PTH2R: variants seen among roughly 807,000 people sequenced by gnomAD.
The protein encoded by PTH2R is PTH2 receptor.
A neutral mutation model predicts 60.3 loss-of-function variants in PTH2R; 59 were observed. The ratio of observed to expected loss-of-function variants is 0.98; its 90% confidence interval spans 0.79 to 1.22. PTH2R has a LOEUF of 1.22. Ranked by LOEUF, PTH2R falls within the 50% of genes most tolerant of loss-of-function variation. The pLI is 0.00. For synonymous variants in PTH2R, 256 were observed against 243.8 expected (o/e 1.05, Z -0.47); for missense variants, 749 against 682.6 (o/e 1.10, Z -1.08).
chr2:208,450,896 C>G (rs1483789608), intron 8 of PTH2R, 87 bp downstream of exon 8: 5 of 1,425,536 alleles, frequency 3.5e-6, no homozygotes, highest in Non-Finnish European at 4.9e-6. Flanking sequence ...CGCTTCTGTT[C>G]TTGATGCCAT....
chr2:208,477,964 G>C (rs62193682), intron 9 of PTH2R, among the ~76,000 whole-genome samples: 6 of 25,716 alleles, frequency 2.3e-4, no homozygotes, highest in African/African-American at 3.9e-4. Flanking sequence ...ACTACTACTA[G>C]TACTAGTACT....
chr2:208,370,180 A>T (rs1700667703), intron 1 of PTH2R, among the ~76,000 whole-genome samples: 1 of 152,080 alleles, frequency 6.6e-6, no homozygotes, highest in Admixed American at 6.5e-5. Context: ...ACGGTGGCTC[A>T]CGCCTGTAAT....
chr2:208,485,324 C>T (rs1019326128), intron 10 of PTH2R, among the ~76,000 whole-genome samples: 2 of 152,146 alleles, frequency 1.3e-5, no homozygotes, highest in African/African-American at 4.8e-5. Context: ...CGTGGCTTTG[C>T]CCTTGGACAC....
intron 9 of PTH2R, among the ~76,000 whole-genome samples, chr2:208,464,560 T>C (rs141519228): frequency 6.6e-6 from 1 of 152,306 alleles, no homozygotes; most frequent in East Asian, 1.9e-4. Flanking sequence ...TTGGGAATGA[T>C]GCCAAATGTG....
intron 2 of PTH2R, among the ~76,000 whole-genome samples, chr2:208,433,601 A>C (rs544540384): frequency 7.7e-4 from 118 of 152,338 alleles, no homozygotes; most frequent in African/African-American, 2.8e-3. Flanking sequence ...TTATTTAAGA[A>C]AGATTTTTTA....
At chr2:208,371,962 C>A (rs1191971369) in intron 1 of PTH2R, among the ~76,000 whole-genome samples, 2 of 152,068 alleles carry the variant, frequency 1.3e-5, no homozygotes, top group African/African-American at 4.8e-5. Flanking sequence ...CACTCTGTCA[C>A]CTGGGCTGGA....
chr2:208,453,041 C>T (rs530223248), intron 8 of PTH2R, among the ~76,000 whole-genome samples: 5 of 152,278 alleles, frequency 3.3e-5, no homozygotes, highest in Admixed American at 2.0e-4. Context: ...GTTGATTTAA[C>T]ACATCTGGTA....
chr2:208,401,867 G>T (rs1701316130), upstream of PTH2R, among the ~76,000 whole-genome samples: 1 of 152,176 alleles, frequency 6.6e-6, no homozygotes, highest in Non-Finnish European at 1.5e-5. Context: ...GTGCCTAAGA[G>T]ACGCTAGCCA....
In PTH2R at chr2:208,443,369, C is replaced by T; in HGVS notation, c.531C>T (p.Asn177=). ...GYFRRLHCTR[N]YIHMHLFVSF... ...GTAGACGATTGCATTGCACTAGGAA[C>T]TATATCCACATGCACTTATTTGTGT... Residue 177 remains asparagine, a synonymous_variant, in exon 6 of 13, where the codon AAC becomes AAT. Coordinates refer to ENST00000272847, the MANE Select transcript of PTH2R (RefSeq NM_005048.4). The T allele has an allele frequency of 6.3e-7, 1 of 1,595,406 alleles. No individual in the cohort carries two copies. The highest frequency in any genetic ancestry group is 8.5e-7 in the Non-Finnish European group (1 of 1,173,518).
intron 7 of PTH2R, among the ~76,000 whole-genome samples, chr2:208,447,355 G>A (rs1251879680): frequency 1.3e-5 from 2 of 151,922 alleles, no homozygotes; most frequent in African/African-American, 4.8e-5. Flanking sequence ...TTGGGAGGCC[G>A]AGGCGGGCGG....
intron 1 of PTH2R, among the ~76,000 whole-genome samples, chr2:208,411,518 G>A (rs1231343781): frequency 1.3e-5 from 2 of 152,146 alleles, no homozygotes; most frequent in Admixed American, 1.3e-4. Flanking sequence ...CCCAGGTGTG[G>A]CTCTTCCTTG....
At chr2:208,387,592 C>G (rs1448779689) in intron 1 of PTH2R, among the ~76,000 whole-genome samples, 1 of 152,122 alleles carries the variant, frequency 6.6e-6, no homozygotes, top group Non-Finnish European at 1.5e-5. Flanking sequence ...AGAAGTTAAC[C>G]CTCCTTTAAA....
intron 1 of PTH2R, among the ~76,000 whole-genome samples, chr2:208,377,572 G>A (rs1700822941): frequency 6.8e-6 from 1 of 147,908 alleles, no homozygotes; most frequent in African/African-American, 2.6e-5. Flanking sequence ...TCTGGGACGG[G>A]GCGGCTGGCC....
At chr2:208,466,828 C>T (rs1702763990) in intron 9 of PTH2R, among the ~76,000 whole-genome samples, 1 of 152,114 alleles carries the variant, frequency 6.6e-6, no homozygotes, top group African/African-American at 2.4e-5. Context: ...TATTTTCTAC[C>T]ATTTCACAGG....
chr2:208,402,951 G>A (rs1224181021), upstream of PTH2R, among the ~76,000 whole-genome samples: 1 of 152,172 alleles, frequency 6.6e-6, no homozygotes, highest in Non-Finnish European at 1.5e-5. Flanking sequence ...TTCACTGGCT[G>A]CCGTGTGTCC....
At chr2:208,416,693 G>A (rs1701648145) in intron 1 of PTH2R, among the ~76,000 whole-genome samples, 1 of 152,182 alleles carries the variant, frequency 6.6e-6, no homozygotes, top group African/African-American at 2.4e-5. Flanking sequence ...TGAGTCAGTG[G>A]GCTGGGAAAG....
chr2:208,414,789 A>G (rs970298524), intron 1 of PTH2R, among the ~76,000 whole-genome samples: 2 of 152,174 alleles, frequency 1.3e-5, no homozygotes, highest in East Asian at 3.9e-4. Context: ...ATCGAGGTTA[A>G]CATTAAGAGT....
At chr2:208,387,672 T>G (rs1701026666) in intron 1 of PTH2R, among the ~76,000 whole-genome samples, 1 of 152,242 alleles carries the variant, frequency 6.6e-6, no homozygotes, top group Non-Finnish European at 1.5e-5. Flanking sequence ...AAAATAACAT[T>G]CAGGTGATTT....
At position 208,490,657 on chromosome 2, in the gene PTH2R, A is replaced by G. The variant is rs960009807; in HGVS notation, c.1234A>G (p.Ile412Val). Residue 412 changes from isoleucine (I) to valine (V), a missense_variant, in exon 12 of 13, where the codon ATC (isoleucine) becomes GTC (valine). Coordinates refer to ENST00000272847, the MANE Select transcript of PTH2R (RefSeq NM_005048.4). ...TCTGCAGGGTTTCTTTGTGTCTATC[A>G]TCTACTGCTACTGCAATGGAGAGGT... is the stretch of plus-strand genomic sequence containing the variant. ...NSFQGFFVSI[I>V]YCYCNGEVQA... 2.5e-5 allele frequency: 40 copies of G among 1,610,308 alleles called. No homozygotes were observed. The highest frequency in any genetic ancestry group is 1.6e-4 in the Middle Eastern group (1 of 6,080).
Sources: gnomAD v4.1 joint callset for allele counts (sites outside exome capture counted in the v4.1 genomes callset) on GRCh38, gnomAD v4.1.1 for gene constraint, MANE v1.5 for transcripts, NCBI Gene and HGNC (gene_info 2026-07-23, HGNC 2026-07-21) for gene names.